The following NRP1 variants were observed in gnomAD, a reference collection of about 807,000 sequenced individuals.
NRP1 encodes the protein neuropilin 1.
In NRP1, 35 loss-of-function variants were observed where a neutral mutation model predicts 106.7. The observed-to-expected ratio is 0.33, with a 90% CI of 0.25 to 0.43. The LOEUF is 0.43. Among genes scored for constraint, NRP1 ranks in the 20% least tolerant of loss-of-function variants. The pLI, the probability that NRP1 is intolerant of heterozygous loss-of-function variation, is 1.00. For missense variants in NRP1, 1,024 were observed against 1,170.4 expected (o/e 0.87, Z 1.83); for synonymous variants, 437 against 417.9 (o/e 1.05, Z -0.56).
At chr10:33,243,626 C>T (rs1015009021) in intron 6 of NRP1, among the ~76,000 whole-genome samples, 14 of 151,306 alleles carry the variant, frequency 9.3e-5, no homozygotes, top group Non-Finnish European at 8.9e-5. Context: ...TAGAATAATG[C>T]CATACATAAG....
chr10:33,306,816 T>C (rs997125259), intron 2 of NRP1, among the ~76,000 whole-genome samples: 5 of 152,234 alleles, frequency 3.3e-5, no homozygotes, highest in Admixed American at 2.0e-4. Flanking sequence ...CTAGGAATTG[T>C]GTAGAAATGC....
chr10:33,240,266 A>C (rs1411143378), intron 6 of NRP1, among the ~76,000 whole-genome samples: 1 of 152,226 alleles, frequency 6.6e-6, no homozygotes, highest in South Asian at 2.1e-4. Flanking sequence ...AAAGACTAGG[A>C]AAGTATTAAA....
chr10:33,246,583 A>AACACACACAC (rs59215824), intron 6 of NRP1, among the ~76,000 whole-genome samples: 3,928 of 137,694 alleles, frequency 0.029, 170 homozygotes, highest in African/African-American at 0.091. Context: ...AGTTGCAATA[A>AACACACACAC]ACACACACAC....
intron 4 of NRP1, among the ~76,000 whole-genome samples, chr10:33,260,557 CA>C (rs1842502911): frequency 6.6e-6 from 1 of 152,178 alleles, no homozygotes; most frequent in African/African-American, 2.4e-5. Context: ...GCATTCACTT[CA>C]GGCCCCATCA....
At chr10:33,197,033 G>A (rs1836835890) in intron 12 of NRP1, among the ~76,000 whole-genome samples, 1 of 152,132 alleles carries the variant, frequency 6.6e-6, no homozygotes. Flanking sequence ...ACAAAGGCCA[G>A]TGAGAGGAAG....
intron 2 of NRP1, among the ~76,000 whole-genome samples, chr10:33,330,424 C>T (rs61758243): frequency 1.8e-4 from 27 of 150,906 alleles, no homozygotes; most frequent in Admixed American, 2.6e-4. Context: ...AAAAAAGAAA[C>T]ATACATACTG....
chr10:33,296,886 G>C lies in NRP1; in HGVS notation c.249-26030C>G, dbSNP rs76658466. Among the ~76,000 whole-genome samples the C allele has an allele frequency of 1.3e-4, 20 of 151,994 alleles. No individual in the cohort carries two copies. In the East Asian group the frequency reaches 2.9e-3, roughly 22 times the overall value. On this transcript the variant is annotated intron_variant, in intron 2 of 16. Coordinates refer to ENST00000374867, the MANE Select transcript of NRP1 (RefSeq NM_003873.7). Reference sequence around the variant, plus strand: ...TCTACTAAAAATACAAAAATTAGCCGAGCATGGTGGTGCATGCCTGTAGTC... The same window carrying C: ...TCTACTAAAAATACAAAAATTAGCCCAGCATGGTGGTGCATGCCTGTAGTC...
intron 2 of NRP1, among the ~76,000 whole-genome samples, chr10:33,293,438 TCATTGTGC>T (rs1225746119): frequency 6.6e-6 from 1 of 152,150 alleles, no homozygotes; most frequent in African/African-American, 2.4e-5. Flanking sequence ...ACAATTAATT[TCATTGTGC>T]CAGAAACAAG....
chr10:33,235,737 G>T (rs1564408995), intron 6 of NRP1, among the ~76,000 whole-genome samples: 1 of 152,164 alleles, frequency 6.6e-6, no homozygotes, highest in Non-Finnish European at 1.5e-5. Context: ...AAATGGTGCT[G>T]GGGTTTCTAT....
chr10:33,291,144 G>A (rs1374662492), intron 2 of NRP1, among the ~76,000 whole-genome samples: 3 of 152,156 alleles, frequency 2.0e-5, no homozygotes, highest in African/African-American at 7.2e-5. Context: ...AAAGCTGCCT[G>A]CTTTTTAGAT....
intron 2 of NRP1, among the ~76,000 whole-genome samples, chr10:33,282,182 C>T (rs1362706771): frequency 6.6e-6 from 1 of 151,492 alleles, no homozygotes; most frequent in African/African-American, 2.4e-5. Context: ...ATGTACCCAA[C>T]CGATTTAATG....
In NRP1 at chr10:33,207,662, G is replaced by C. The variant is rs190763052; in HGVS notation, c.1669C>G (p.Leu557Val). The C allele has an allele frequency of 3.7e-6, 6 of 1,613,966 alleles. No homozygotes were observed. The highest frequency in any genetic ancestry group is 3.3e-5 in the South Asian group (3 of 91,074). Residue 557 changes from leucine (L) to valine (V), a missense_variant, in exon 10 of 17, where the codon CTC (leucine) becomes GTC (valine). Physicochemically the swap from Leu to Val is conservative, Grantham distance 32 (BLOSUM62 1). Coordinates refer to ENST00000374867, the MANE Select transcript of NRP1 (RefSeq NM_003873.7). ...DTPELRTFPA[L>V]STRFIRIYPE... ...TAGATCCTGATGAATCGCGTGGAGA[G>C]AGCTGGAAAAGTCCGCAGCTCAGGT...
chr10:33,198,141 TAA>T (rs1491265171), intron 11 of NRP1, among the ~76,000 whole-genome samples: 33,297 of 133,284 alleles, frequency 0.25, 4,507 homozygotes, highest in East Asian at 0.61. Flanking sequence ...TTTAAATTTT[TAA>T]ATTTTTTTTT....
chr10:33,311,721 T>G (rs774588012), intron 2 of NRP1, among the ~76,000 whole-genome samples: 18 of 152,230 alleles, frequency 1.2e-4, no homozygotes, highest in Admixed American at 6.5e-5. Flanking sequence ...TCTGAGTTTG[T>G]AAGTTCTGAA....
intron 2 of NRP1, among the ~76,000 whole-genome samples, chr10:33,288,914 C>T (rs1844782039): frequency 6.6e-6 from 1 of 152,084 alleles, no homozygotes. Flanking sequence ...ATTTACTTCC[C>T]TGATAAAATG....
intron 4 of NRP1, among the ~76,000 whole-genome samples, chr10:33,257,542 C>A (rs774234354): frequency 2.6e-4 from 40 of 152,272 alleles, no homozygotes; most frequent in Non-Finnish European, 4.1e-4. Context: ...GAGGCTGAGG[C>A]AAGACCCAGG....
At chr10:33,231,226 G>T (rs923826931) in intron 6 of NRP1, among the ~76,000 whole-genome samples, 1 of 152,018 alleles carries the variant, frequency 6.6e-6, no homozygotes, top group African/African-American at 2.4e-5. Flanking sequence ...TTCTGTTTTT[G>T]CTGTACCTCC....
chr10:33,331,912 G>A (rs2132981189), intron 1 of NRP1, among the ~76,000 whole-genome samples: 1 of 152,298 alleles, frequency 6.6e-6, no homozygotes, highest in East Asian at 1.9e-4. Context: ...TGAAAACAGT[G>A]AAATATATAA....
chr10:33,323,265 T>C (rs1847650497), intron 2 of NRP1, among the ~76,000 whole-genome samples: 1 of 152,032 alleles, frequency 6.6e-6, no homozygotes, highest in South Asian at 2.1e-4. Flanking sequence ...TCATAATTAT[T>C]CCTTCCCAAA....
Sources: gnomAD v4.1 joint callset for allele counts (sites outside exome capture counted in the v4.1 genomes callset) on GRCh38, gnomAD v4.1.1 for gene constraint, MANE v1.5 for transcripts, NCBI Gene and HGNC (gene_info 2026-07-23, HGNC 2026-07-21) for gene names.